Variants in PALM observed in about 807,000 individuals in gnomAD.
PALM encodes the protein paralemmin-1.
In PALM, 18 loss-of-function variants were observed where a neutral mutation model predicts 30.7. The ratio of observed to expected loss-of-function variants is 0.59; its 90% CI spans 0.41 to 0.87. The LOEUF is 0.87. Among genes scored for constraint, PALM ranks in the 40% least tolerant of loss-of-function variants. The pLI is 0.00. For missense variants in PALM, 529 were observed against 555.4 expected (o/e 0.95, Z 0.48); for synonymous variants, 286 against 242.8 (o/e 1.18, Z -1.66).
intron 1 of PALM, among the ~76,000 whole-genome samples, chr19:717,380 C>A (rs867192334): frequency 3.3e-5 from 5 of 151,964 alleles, no homozygotes; most frequent in African/African-American, 1.2e-4. Flanking sequence ...CTGGACATTT[C>A]GTAGACATGG....
At position 722,170 on chromosome 19, in the gene PALM, G is replaced by C. The variant is rs79793124; in HGVS notation, c.6-3968G>C. ...CCTGACCTCGTGATCCGCCCGCCTC[G>C]GCCTCCCAAAGTGCTGGGATTACAG... On this transcript the variant is annotated intron_variant, in intron 1 of 8. Transcript: ENST00000338448. 2.6e-5 allele frequency among the ~76,000 whole-genome samples: 4 copies of C among 151,838 alleles called. No individual in the cohort carries two copies. The East Asian group carries it at 7.8e-4, about 30-fold the overall frequency.
rs554090003 is a variant in PALM at position 719,971 on chromosome 19, T to C, written c.6-6167T>C. ...TGTGACGTGGAGCGTTCTGTCGGCC[T>C]GACCTTGGCTACCCGGCGTCGGGGG... is the stretch of plus-strand genomic sequence containing the variant. On this transcript the variant is annotated intron_variant, in intron 1 of 8. Transcript: ENST00000338448. Among the ~76,000 whole-genome samples the C allele has an allele frequency of 3.3e-4, 51 of 152,250 alleles. No individual in the cohort carries two copies. In the South Asian group the frequency reaches 0.011, roughly 32 times the overall value.
intron 6 of PALM, 58 bp from the exon 7 acceptor site, chr19:735,961 G>A (rs1465978407): frequency 8.3e-6 from 12 of 1,444,002 alleles, no homozygotes; most frequent in Admixed American, 3.6e-5. Flanking sequence ...TGTCTGGGGG[G>A]TCCATGTGAC....
chr19:731,287 T>G, intron 5 of PALM, 42 bp downstream of exon 5: 1 of 1,538,870 alleles, frequency 6.5e-7, no homozygotes, highest in Non-Finnish European at 8.8e-7. Flanking sequence ...AGGCACCCAC[T>G]CCCGCTGGCC....
rs1425330721 is a variant in PALM, at chr19:746,477, T to A, written c.827T>A (p.Val276Glu). ...CCCTCCCGGCGGGAGATCACCGGTG[T>A]GCAGGCACAGCCAGGCGAGGCCACG... ...TTPSRREITG[V>E]QAQPGEATSG... The change falls in exon 9 of 9, where the codon GTG (valine) becomes GAG (glutamate). Residue 276 changes from valine to glutamate, a missense_variant. Val to Glu is a moderately radical substitution (Grantham distance 121, BLOSUM62 -2). Coordinates refer to ENST00000338448, the MANE Select transcript of PALM (RefSeq NM_002579.3). The surrounding 1 kb of genome is among the most constrained non-coding windows in gnomAD (Gnocchi z 7.1). 6.2e-7 allele frequency: 1 copy of A among 1,610,288 alleles called. No homozygotes were observed. The highest frequency in any genetic ancestry group is 1.1e-5 in the South Asian group (1 of 90,840).
intron 1 of PALM, among the ~76,000 whole-genome samples, chr19:721,985 C>T (rs1357400255): frequency 6.6e-6 from 1 of 152,148 alleles, no homozygotes; most frequent in African/African-American, 2.4e-5. Flanking sequence ...GTGGCGCAAT[C>T]TCGGCTCACT....
chr19:731,249 AG>A lies in PALM; in HGVS notation c.420+9del. On this transcript the variant is annotated splice_donor_5th_base_variant and intron_variant, in intron 5 of 8. Coordinates refer to ENST00000338448, the MANE Select transcript of PALM (RefSeq NM_002579.3). ...GGTGGTGATGAATTCACAGCAGGTA[AG>A]GGGGTGACTGGGGGGAGCGGATCCC... is the stretch of plus-strand genomic sequence containing the variant. 1 of 1,591,364 alleles carries A rather than the reference AG, an allele frequency of 6.3e-7. No homozygotes were observed. Among genetic ancestry groups the A allele is most frequent in the Non-Finnish European group, 8.6e-7 (1 of 1,168,660 alleles).
chr19:712,319 G>A (rs1421178945), intron 1 of PALM, among the ~76,000 whole-genome samples: 1 of 151,000 alleles, frequency 6.6e-6, no homozygotes, highest in Non-Finnish European at 1.5e-5. Flanking sequence ...CCACGTGCCT[G>A]GCTGACACTT....
At chr19:727,809 C>G (rs2032737940) in intron 4 of PALM, 115 bp downstream of exon 4, 1 of 990,638 alleles carries the variant, frequency 1.0e-6, no homozygotes, top group Non-Finnish European at 1.5e-6. Flanking sequence ...GATGCGTGGA[C>G]CGGGCAGGCC....
At position 727,096 on chromosome 19, in the gene PALM, CGGGG is replaced by C; in HGVS notation, c.138+9_138+12del. 6.5e-7 allele frequency: 1 copy of C among 1,536,120 alleles called. No individual in the cohort carries two copies. The highest frequency in any genetic ancestry group is 8.8e-7 in the Non-Finnish European group (1 of 1,134,410). ...CAGCTGCAGCACCTGAAGGTACGAG[CGGGG>C]CAGGGACCCAGGGTCAGGGAGTGCA... On this transcript the variant is annotated intron_variant, in intron 3 of 8. Transcript: ENST00000338448.
chr19:746,949 G>C lies in PALM; in HGVS notation c.*135G>C. On this transcript the variant is annotated 3_prime_UTR_variant, in exon 9 of 9. Coordinates refer to ENST00000338448, the MANE Select transcript of PALM (RefSeq NM_002579.3). The surrounding 1 kb of genome is among the most constrained non-coding windows in gnomAD (Gnocchi z 7.1). ...GCGTGTTGTTACATGTTCCTTCCGAGTTTTCTTTCGCTGGAAAGAGGGACA... is the reference window on the plus strand; with the variant it reads ...GCGTGTTGTTACATGTTCCTTCCGACTTTTCTTTCGCTGGAAAGAGGGACA... 1 of 632,748 alleles carries C rather than the reference G, an allele frequency of 1.6e-6. No individual in the cohort carries two copies. The highest frequency in any genetic ancestry group is 2.0e-5 in the South Asian group (1 of 50,744). 39.2% of individuals were successfully genotyped at this position (632,748 alleles called of 1,614,324 possible). A position where few individuals can be genotyped will look rare whatever the true frequency, so the allele number is the denominator to read the frequency against.
intron 7 of PALM, among the ~76,000 whole-genome samples, chr19:738,295 G>T (rs189367680): frequency 2.0e-5 from 3 of 152,270 alleles, no homozygotes; most frequent in Admixed American, 1.3e-4. Context: ...GGGAGGCCGA[G>T]GGGGGCAGAT....
chr19:710,651 G>GCGCCC (rs2032045130), intron 1 of PALM, among the ~76,000 whole-genome samples: 3 of 114,162 alleles, frequency 2.6e-5, no homozygotes, highest in Non-Finnish European at 3.6e-5. Context: ...AGGAGCTGCT[G>GCGCCC]CCCCCCCCCC....
rs1017987900 is a variant in PALM at position 709,163 on chromosome 19, C to G, written c.5+12C>G. ...GGCGGGGAGATGGAGTGAGTAGGCG[C>G]GCTCGGGCCGCGGGGCTGGGGGCCC... On this transcript the variant is annotated intron_variant, in intron 1 of 8. Coordinates refer to ENST00000338448, the MANE Select transcript of PALM (RefSeq NM_002579.3). The surrounding 1 kb of genome is among the most constrained non-coding windows in gnomAD (Gnocchi z 4.3). 7.7e-5 allele frequency: 25 copies of G among 322,926 alleles called. No individual in the cohort carries two copies. Among genetic ancestry groups the G allele is most frequent in the Non-Finnish European group, 1.2e-4 (22 of 177,576 alleles). 20.0% of individuals were successfully genotyped at this position (322,926 alleles called of 1,614,324 possible).
At chr19:741,427 C>G (rs34237670) in intron 8 of PALM, among the ~76,000 whole-genome samples, 1 of 105,866 alleles carries the variant, frequency 9.4e-6, no homozygotes, top group African/African-American at 3.9e-5. Flanking sequence ...TGAGGGGAGA[C>G]GGGCTGCAGG....
intron 6 of PALM, 46 bp from the exon 7 acceptor site, chr19:735,973 T>G (rs372105488): frequency 3.1e-4 from 472 of 1,541,282 alleles, no homozygotes; most frequent in Non-Finnish European, 4.0e-4. Context: ...CCATGTGACC[T>G]CTCCTCTGAC....
At chr19:728,503 C>A (rs1369359792) in intron 4 of PALM, among the ~76,000 whole-genome samples, 1 of 152,166 alleles carries the variant, frequency 6.6e-6, no homozygotes. Context: ...CCCTCCTGGG[C>A]AGGGCGTGTA....
intron 1 of PALM, among the ~76,000 whole-genome samples, chr19:721,257 AATTATT>A (rs765891066): frequency 1.1e-4 from 16 of 151,920 alleles, no homozygotes; most frequent in African/African-American, 3.9e-4. Flanking sequence ...GGGTCTGATT[AATTATT>A]ATTATTATTA....
rs1028076153 is a variant in PALM at position 747,111 on chromosome 19, C to T, written c.*297C>T. 3.5e-4 allele frequency: 117 copies of T among 335,766 alleles called. No homozygotes were observed. The highest frequency in any genetic ancestry group is 5.1e-4 in the Non-Finnish European group (93 of 182,034). The allele number at this position is 335,766 out of a possible 1,614,324, so 20.8% of individuals were successfully genotyped here. A position where few individuals can be genotyped will look rare whatever the true frequency, so the allele number is the denominator to read the frequency against. The stretch of plus-strand genomic sequence containing the variant: ...CCATGTCACGGCAGCTTCACAGACG[C>T]GGCTCGCGCCCACCGGGGTCCTGGC... On this transcript the variant is annotated 3_prime_UTR_variant, in exon 9 of 9. Transcript: ENST00000338448.
Sources: allele counts gnomAD v4.1 joint callset (sites outside exome capture counted in the v4.1 genomes callset), GRCh38; gene constraint gnomAD v4.1.1; non-coding constraint Gnocchi (gnomAD v3.1); transcripts MANE v1.5; gene names NCBI Gene and HGNC (gene_info 2026-07-23, HGNC 2026-07-21).